The following PTK2 variants were observed in gnomAD, a reference collection of about 807,000 sequenced individuals.
PTK2 encodes focal adhesion kinase 1.
In PTK2, 45 loss-of-function variants were observed where a neutral mutation model predicts 150.1. That is an observed-to-expected ratio of 0.30 (90% CI 0.24 to 0.38). The LOEUF (loss-of-function observed/expected upper bound fraction) is 0.38. PTK2 is among the 10% of genes least tolerant of loss of function. The pLI is 1.00. For synonymous variants in PTK2, 432 were observed against 449.2 expected (o/e 0.96, Z 0.48); for missense variants, 919 against 1,307.3 (o/e 0.70, Z 4.58).
chr8:140,970,900 A>C (rs1015790062), intron 1 of PTK2, among the ~76,000 whole-genome samples: 4 of 151,702 alleles, frequency 2.6e-5, no homozygotes, highest in African/African-American at 7.3e-5. Flanking sequence ...AAAAAAAAAA[A>C]CCAAAAAACA....
At chr8:140,776,090 G>A (rs896666368) in intron 14 of PTK2, among the ~76,000 whole-genome samples, 11 of 152,090 alleles carry the variant, frequency 7.2e-5, no homozygotes, top group African/African-American at 2.2e-4. Context: ...TATAACCTCC[G>A]GCTCCCAGGT....
At chr8:140,675,489 T>C in exon 28 of PTK2, 2 of 1,611,622 alleles carry the variant, frequency 1.2e-6, no homozygotes, top group South Asian at 1.1e-5. Context: ...ATATATATGT[T>C]GGTTTCCAAT....
chr8:140,850,361 G>C (rs992278184), intron 5 of PTK2, among the ~76,000 whole-genome samples: 2 of 152,038 alleles, frequency 1.3e-5, no homozygotes, highest in Non-Finnish European at 2.9e-5. Flanking sequence ...AGGAGGCGGA[G>C]GTTGCAGAGA....
intron 5 of PTK2, among the ~76,000 whole-genome samples, chr8:140,855,077 T>C (rs774604369): frequency 2.0e-4 from 30 of 152,198 alleles, no homozygotes; most frequent in Middle Eastern, 3.4e-3. Flanking sequence ...CAGCCCAAAC[T>C]CAAGCACAAG....
At position 140,659,730 on chromosome 8, in the gene PTK2, T is replaced by C. The variant is rs199873162; in HGVS notation, c.2947-52A>G. The C allele has an allele frequency of 4.0e-6, 5 of 1,263,202 alleles. No homozygotes were observed. In the South Asian group the frequency reaches 4.0e-5, roughly 10 times the overall value. The allele number at this position is 1,263,202 out of a possible 1,614,324, so 78.2% of individuals were successfully genotyped here. A position where few individuals can be genotyped will look rare whatever the true frequency, so the allele number is the denominator to read the frequency against. ...AACTGTTTTCAGTGATTTTTTTTTT[T>C]CTTTTTTAGAGAGATGTTCTTACTG... On this transcript the variant is annotated intron_variant, in intron 31 of 31. Transcript: ENST00000522684.
intron 2 of PTK2, among the ~76,000 whole-genome samples, chr8:140,919,674 T>C (rs993682026): frequency 1.3e-5 from 2 of 152,170 alleles, no homozygotes; most frequent in Non-Finnish European, 2.9e-5. Context: ...CACACTCACT[T>C]ATACTATACA....
At chr8:140,878,703 G>A (rs2100147124) in intron 4 of PTK2, among the ~76,000 whole-genome samples, 2 of 152,066 alleles carry the variant, frequency 1.3e-5, no homozygotes, top group South Asian at 4.1e-4. Flanking sequence ...GCACTCTTCA[G>A]CCTACAATTA....
intron 5 of PTK2, among the ~76,000 whole-genome samples, chr8:140,850,027 C>G (rs2100128190): frequency 1.3e-5 from 2 of 152,264 alleles, no homozygotes; most frequent in East Asian, 3.9e-4. Flanking sequence ...TATTGGAACA[C>G]TGGCACTGTG....
At position 140,770,016 on chromosome 8, in the gene PTK2, CAAG is replaced by C. The variant is rs542346425; in HGVS notation, c.1178-5729_1178-5727del. Among the ~76,000 whole-genome samples the C allele has an allele frequency of 1.4e-4, 22 of 152,248 alleles. No homozygotes were observed. In the South Asian group the frequency reaches 4.4e-3, roughly 30 times the overall value. On this transcript the variant is annotated intron_variant, in intron 14 of 31. Transcript: ENST00000522684. The stretch of plus-strand genomic sequence containing the variant: ...AGTCATTAATCTGTATGTTTAGTTA[CAAG>C]AAGAGAATAAGCCCTCAGCAAGCCC...
intron 1 of PTK2, among the ~76,000 whole-genome samples, chr8:140,996,804 G>A (rs892824598): frequency 6.6e-6 from 1 of 151,978 alleles, no homozygotes; most frequent in Non-Finnish European, 1.5e-5. Context: ...AGCTCTGAGA[G>A]AGATGTACAA....
At chr8:140,786,033 T>C (rs1032291615) in intron 14 of PTK2, among the ~76,000 whole-genome samples, 5 of 152,182 alleles carry the variant, frequency 3.3e-5, no homozygotes, top group African/African-American at 1.2e-4. Context: ...GTAAACTCTA[T>C]AAAGGGAGGG....
At chr8:140,761,105 G>T in intron 16 of PTK2, 60 bp downstream of exon 19, 2 of 1,143,766 alleles carry the variant, frequency 1.7e-6, no homozygotes, top group Non-Finnish European at 1.3e-6. Context: ...ACAAACAAAA[G>T]CAATTTAAAC....
intron 14 of PTK2, among the ~76,000 whole-genome samples, chr8:140,784,310 C>G (rs552956143): frequency 7.6e-4 from 116 of 152,078 alleles, no homozygotes; most frequent in Non-Finnish European, 1.5e-3. Flanking sequence ...CATGTGTAGT[C>G]CAAACATGTA....
chr8:140,720,235 ATTTAT>A (rs1565049311), intron 22 of PTK2, among the ~76,000 whole-genome samples: 2 of 152,116 alleles, frequency 1.3e-5, no homozygotes, highest in Non-Finnish European at 2.9e-5. Flanking sequence ...AATTTTCCTT[ATTTAT>A]TTTAATTTAT....
intron 22 of PTK2, among the ~76,000 whole-genome samples, chr8:140,720,806 T>G (rs1164057792): frequency 6.6e-6 from 1 of 152,228 alleles, no homozygotes; most frequent in Non-Finnish European, 1.5e-5. Flanking sequence ...TAGGCTGAAG[T>G]GCAGTGGCAC....
chr8:140,972,416 C>T (rs1366744804), intron 1 of PTK2, among the ~76,000 whole-genome samples: 1 of 152,130 alleles, frequency 6.6e-6, no homozygotes, highest in Non-Finnish European at 1.5e-5. Context: ...AGGCGCACGC[C>T]ACCACGCCTG....
At chr8:140,995,630 C>T (rs1223534244) in intron 1 of PTK2, among the ~76,000 whole-genome samples, 1 of 151,416 alleles carries the variant, frequency 6.6e-6, no homozygotes, top group African/African-American at 2.4e-5. Context: ...GGCAAAACCC[C>T]GTCTCTACTA....
intron 1 of PTK2, among the ~76,000 whole-genome samples, chr8:140,927,085 C>G (rs984099403): frequency 6.6e-6 from 1 of 152,128 alleles, no homozygotes; most frequent in Non-Finnish European, 1.5e-5. Flanking sequence ...AGAAGCATGA[C>G]AACACAGGAC....
chr8:140,995,219 T>A, intron 1 of PTK2, among the ~76,000 whole-genome samples: 1 of 150,648 alleles, frequency 6.6e-6, no homozygotes, highest in Non-Finnish European at 1.5e-5. Flanking sequence ...CTGTCTCAAC[T>A]AAAAATACAA....
Sources: gnomAD v4.1 joint callset for allele counts (sites outside exome capture counted in the v4.1 genomes callset) on GRCh38, gnomAD v4.1.1 for gene constraint, MANE v1.5 for transcripts, NCBI Gene and HGNC (gene_info 2026-07-23, HGNC 2026-07-21) for gene names.